Variants in THAP6 observed in about 807,000 individuals in gnomAD.
THAP6 encodes THAP domain-containing protein 6.
Under a neutral mutation model 20.0 loss-of-function variants are expected in THAP6, and 13 were observed. The observed-to-expected ratio is 0.65, with a 90% CI of 0.42 to 1.03. The LOEUF (loss-of-function observed/expected upper bound fraction) is 1.03, where lower values mean the gene tolerates loss of function less well. Ranked by LOEUF, THAP6 falls within the 50% of genes least tolerant of loss-of-function variation. THAP6 has a pLI of 0.00. For missense variants in THAP6, 262 were observed against 261.6 expected, an observed-to-expected ratio of 1.00 and a Z score of -0.01; for synonymous variants, 93 against 92.2, an observed-to-expected ratio of 1.01 and a Z score of -0.05.
chr4:75,517,496 C>G (rs1250000447), intron 3 of THAP6: 1 of 152,466 alleles, frequency 6.6e-6, no homozygotes, highest in African/African-American at 2.4e-5. Context: ...TTGTATATTA[C>G]TAAGGTTTGA....
intron 4 of THAP6, among the ~76,000 whole-genome samples, chr4:75,524,072 T>C (rs1031369315): frequency 6.6e-6 from 1 of 152,188 alleles, no homozygotes; most frequent in Non-Finnish European, 1.5e-5. Context: ...GTGAGTTCGC[T>C]GTAGGTGTGT....
In THAP6 at chr4:75,529,480, A is replaced by C; in HGVS notation, c.*2266A>C. On this transcript the variant is annotated 3_prime_UTR_variant, in exon 5 of 5. Coordinates refer to ENST00000311638, the MANE Select transcript of THAP6 (RefSeq NM_144721.6). ...AATATTGGTATCATTAAGGACCCAG[A>C]GCTGCCCATTTTCTCTTTGTTCTAA... 1 of 985,446 alleles carries C rather than the reference A, an allele frequency of 1.0e-6. No individual in the cohort carries two copies. Among genetic ancestry groups the C allele is most frequent in the Non-Finnish European group, 1.2e-6 (1 of 829,942 alleles). The allele number at this position is 985,446 out of a possible 1,614,324, so 61.0% of individuals were successfully genotyped here.
intron 3 of THAP6, among the ~76,000 whole-genome samples, chr4:75,546,836 T>G (rs73827648): frequency 0.036 from 5,541 of 152,242 alleles, 357 homozygotes; most frequent in African/African-American, 0.13. Context: ...CAGAGGGCCA[T>G]CCGTTTACTC....
Position 75,529,633 on chromosome 4 carries a change from A to G in THAP6, c.*2419A>G, listed in dbSNP as rs550620222. The G allele has an allele frequency of 2.3e-5, 23 of 985,448 alleles. No homozygotes were observed. In the South Asian group the frequency reaches 5.6e-4, roughly 24 times the overall value. The allele number at this position is 985,448 out of a possible 1,614,324, so 61.0% of individuals were successfully genotyped here. ...CAGAGATTCCACCCTAGCCCAGGAA[A>G]GAACTGGCCTGTGTAAAGCAAAACC... On this transcript the variant is annotated 3_prime_UTR_variant, in exon 5 of 5. Coordinates refer to ENST00000311638, the MANE Select transcript of THAP6 (RefSeq NM_144721.6).
chr4:75,514,221 G>A, upstream of THAP6: 2 of 1,613,260 alleles, frequency 1.2e-6, no homozygotes, highest in South Asian at 2.2e-5. Context: ...CTCTGTCATA[G>A]TGCTCGCAGC....
intron 3 of THAP6, among the ~76,000 whole-genome samples, chr4:75,519,428 G>C (rs1409646652): frequency 1.3e-5 from 2 of 151,236 alleles, no homozygotes; most frequent in Admixed American, 6.6e-5. Flanking sequence ...GCTGCACCCA[G>C]TAACTCATCA....
intron 2 of THAP6, 140 bp downstream of exon 2, chr4:75,515,672 T>C (rs1176512324): frequency 7.0e-6 from 5 of 718,764 alleles, no homozygotes; most frequent in Non-Finnish European, 9.6e-6. Flanking sequence ...GAAGTGACAA[T>C]GTGATACCTT....
chr4:75,521,716 T>TTAG lies in THAP6; in HGVS notation c.289-18_289-17insGTA, dbSNP rs2148813330. On this transcript the variant is annotated intron_variant, in intron 3 of 4. Coordinates refer to ENST00000311638, the MANE Select transcript of THAP6 (RefSeq NM_144721.6). ...ACAAAAGTATCTCACTTGATGATTA[T>TTAG]TATTAACTACTCTTAACAGGGGAAA... 1.3e-6 allele frequency: 2 copies of TTAG among 1,581,056 alleles called. No homozygotes were observed. Among genetic ancestry groups the TTAG allele is most frequent in the Non-Finnish European group, 1.7e-6 (2 of 1,164,488 alleles).
At chr4:75,523,354 C>T (rs969527314) in intron 4 of THAP6, among the ~76,000 whole-genome samples, 1 of 152,110 alleles carries the variant, frequency 6.6e-6, no homozygotes, top group Non-Finnish European at 1.5e-5. Flanking sequence ...TTATCAATCC[C>T]TTGTCAGATG....
chr4:75,514,846 T>C (rs932408152), intron 1 of THAP6: 1 of 157,008 alleles, frequency 6.4e-6, no homozygotes, highest in East Asian at 1.9e-4. Context: ...TTTCAAAATA[T>C]GTACTGACAT....
At chr4:75,530,917 A>G (rs1244104321), downstream of THAP6, among the ~76,000 whole-genome samples, 3 of 152,102 alleles carry the variant, frequency 2.0e-5, no homozygotes, top group African/African-American at 7.2e-5. Context: ...ATGAAGAGAG[A>G]TGGTGGAGGC....
At chr4:75,526,132 G>A (rs1273782639) in intron 4 of THAP6, among the ~76,000 whole-genome samples, 1 of 152,158 alleles carries the variant, frequency 6.6e-6, no homozygotes, top group African/African-American at 2.4e-5. Flanking sequence ...GAAACTCTCA[G>A]GCAGTTAGCT....
chr4:75,533,303 C>T (rs911484393), downstream of THAP6, among the ~76,000 whole-genome samples: 1 of 152,162 alleles, frequency 6.6e-6, no homozygotes, highest in Non-Finnish European at 1.5e-5. Context: ...GCTCCAGTTC[C>T]CAACAAGTTC....
At chr4:75,526,058 C>T (rs545520447) in intron 4 of THAP6, among the ~76,000 whole-genome samples, 2 of 152,192 alleles carry the variant, frequency 1.3e-5, no homozygotes, top group African/African-American at 2.4e-5. Context: ...GGATGTTTTG[C>T]ACTACCTCCT....
chr4:75,542,028 C>T (rs1727020318), intron 2 of THAP6, among the ~76,000 whole-genome samples: 1 of 152,058 alleles, frequency 6.6e-6, no homozygotes, highest in Admixed American at 6.5e-5. Context: ...TCATTACCTT[C>T]ATCATCCCCC....
chr4:75,542,537 A>T (rs1054947054), intron 3 of THAP6: 2 of 695,916 alleles, frequency 2.9e-6, no homozygotes, highest in African/African-American at 3.5e-5. Context: ...ATTTAACTTC[A>T]CAACAACCCT....
At chr4:75,538,464 C>A (rs1245325922) in intron 2 of THAP6, among the ~76,000 whole-genome samples, 2 of 151,560 alleles carry the variant, frequency 1.3e-5, no homozygotes, top group African/African-American at 4.9e-5. Context: ...AAGATAAATT[C>A]TACTTGTAGA....
downstream of THAP6, among the ~76,000 whole-genome samples, chr4:75,533,201 T>G (rs1266753857): frequency 1.3e-5 from 2 of 152,112 alleles, no homozygotes; most frequent in African/African-American, 4.8e-5. Flanking sequence ...ATACCCTAAA[T>G]CATCTCTCTC....
At chr4:75,539,235 T>C (rs2148831371) in intron 2 of THAP6, among the ~76,000 whole-genome samples, 1 of 152,312 alleles carries the variant, frequency 6.6e-6, no homozygotes, top group Admixed American at 6.5e-5. Flanking sequence ...GCTCAATAGA[T>C]TTATACCACA....
Sources: allele counts gnomAD v4.1 joint callset (sites outside exome capture counted in the v4.1 genomes callset), GRCh38; gene constraint gnomAD v4.1.1; transcripts MANE v1.5; gene names NCBI Gene and HGNC (gene_info 2026-07-23, HGNC 2026-07-21).